PRKCH: variants seen among roughly 807,000 people sequenced by gnomAD.
PRKCH encodes the protein protein kinase C eta type.
A neutral mutation model predicts 82.5 loss-of-function variants in PRKCH; 28 were observed. The ratio of observed to expected loss-of-function variants is 0.34; its 90% confidence interval spans 0.25 to 0.47. The LOEUF (loss-of-function observed/expected upper bound fraction) is 0.47. Among genes scored for constraint, PRKCH ranks in the 20% least tolerant of loss-of-function variants. The pLI is 1.00. For synonymous variants in PRKCH, 322 were observed against 327.4 expected (o/e 0.98, Z 0.18); for missense variants, 705 against 881.8 (o/e 0.80, Z 2.54).
upstream of PRKCH, among the ~76,000 whole-genome samples, chr14:61,318,555 C>G (rs577458933): frequency 3.9e-5 from 6 of 152,154 alleles, no homozygotes; most frequent in African/African-American, 1.4e-4. Flanking sequence ...ACAGTTGGCT[C>G]AAGCCAGATT....
At chr14:61,384,288 C>A (rs2140190163) in intron 1 of PRKCH, among the ~76,000 whole-genome samples, 3 of 152,150 alleles carry the variant, frequency 2.0e-5, no homozygotes, top group Admixed American at 2.0e-4. Flanking sequence ...TGGAATTGGC[C>A]CCTTAGAGAG....
chr14:61,501,916 A>C (rs997702776), intron 10 of PRKCH, among the ~76,000 whole-genome samples: 1 of 152,110 alleles, frequency 6.6e-6, no homozygotes, highest in Non-Finnish European at 1.5e-5. Flanking sequence ...CAAGCTCTGC[A>C]TTTGAATGTC....
chr14:61,266,758 G>A (rs1401062147), intron 1 of PRKCH, among the ~76,000 whole-genome samples: 1 of 152,128 alleles, frequency 6.6e-6, no homozygotes, highest in African/African-American at 2.4e-5. Context: ...ACTTATTTGT[G>A]TATATTTTAT....
intron 9 of PRKCH, among the ~76,000 whole-genome samples, chr14:61,470,422 C>G (rs1308160923): frequency 2.6e-5 from 4 of 152,144 alleles, no homozygotes; most frequent in Admixed American, 1.3e-4. Flanking sequence ...CCTCCCGTCT[C>G]CATCCCTGTA....
At chr14:61,236,535 C>G (rs7154880) in intron 1 of PRKCH, among the ~76,000 whole-genome samples, 25,108 of 151,832 alleles carry the variant, frequency 0.17, 2,121 homozygotes, top group East Asian at 0.24. Flanking sequence ...TGGTGAAACC[C>G]TGTCTCTACT....
chr14:61,350,241 T>G (rs2046053484), intron 1 of PRKCH, among the ~76,000 whole-genome samples: 1 of 152,218 alleles, frequency 6.6e-6, no homozygotes, highest in African/African-American at 2.4e-5. Flanking sequence ...ATGTGTACAT[T>G]TAAGATTTGT....
intron 2 of PRKCH, among the ~76,000 whole-genome samples, chr14:61,405,463 C>T (rs1405284893): frequency 1.3e-5 from 2 of 152,012 alleles, no homozygotes; most frequent in East Asian, 3.9e-4. Flanking sequence ...CTGCAACCTC[C>T]ACCTCCCGGG....
intron 1 of PRKCH, among the ~76,000 whole-genome samples, chr14:61,253,847 G>A (rs2044970393): frequency 6.6e-6 from 1 of 152,110 alleles, no homozygotes; most frequent in East Asian, 1.9e-4. Context: ...ATAATATATG[G>A]TCAGTGCTTA....
chr14:61,335,753 C>T (rs985831824), intron 1 of PRKCH, among the ~76,000 whole-genome samples: 3 of 152,254 alleles, frequency 2.0e-5, no homozygotes, highest in Admixed American at 2.0e-4. Flanking sequence ...CTGACCATCC[C>T]TTCAACATTT....
At chr14:61,262,546 G>T (rs1037440635) in intron 1 of PRKCH, among the ~76,000 whole-genome samples, 4 of 152,140 alleles carry the variant, frequency 2.6e-5, no homozygotes, top group African/African-American at 4.8e-5. Flanking sequence ...AGGGATAATT[G>T]AGTGGGAAGG....
Position 61,485,627 on chromosome 14 carries a change from G to A in PRKCH, c.1404G>A (p.Met468Ile), listed in dbSNP as rs769749007. The A allele has an allele frequency of 6.2e-6, 10 of 1,614,000 alleles. No individual in the cohort carries two copies. In the South Asian group the frequency reaches 9.9e-5, roughly 16 times the overall value. ...FYAAEIISAL[M>I]FLHDKGIIYR... ...CTGCAGAAATCATTTCGGCTCTCAT[G>A]TTCCTCCATGATAAAGGAATCATCT... Residue 468 changes from methionine to isoleucine, a missense_variant, in exon 10 of 14, where the codon ATG becomes ATA. Physicochemically the swap from Met to Ile is conservative, Grantham distance 10. This residue lies in a region of PRKCH where 238 missense variants were observed against 258.1 expected (regional missense o/e 0.92). Transcript: ENST00000332981.
intron 1 of PRKCH, among the ~76,000 whole-genome samples, chr14:61,234,092 T>C (rs908452302): frequency 2.0e-5 from 3 of 152,252 alleles, no homozygotes; most frequent in African/African-American, 7.2e-5. Context: ...GGTAATATTA[T>C]GCAGGTGCAG....
In PRKCH at chr14:61,258,403, A is replaced by G. The variant is rs79646578; in HGVS notation, c.-19+70735A>G. 6.9e-3 allele frequency among the ~76,000 whole-genome samples: 1,056 copies of G among 152,282 alleles called. 38 individuals carry two copies. The East Asian group carries it at 0.095, about 14-fold the overall frequency. On this transcript the variant is annotated intron_variant, in intron 1 of 3. Coordinates refer to the PRKCH transcript ENST00000555185. ...ACCTTAAAAATCACAAGATTAAGAC[A>G]TTTTCATTATACAAAGTTGCCTGGT...
At chr14:61,450,129 T>TACCTAGAGGA (rs1290381594) in intron 5 of PRKCH, among the ~76,000 whole-genome samples, 1 of 152,198 alleles carries the variant, frequency 6.6e-6, no homozygotes, top group Admixed American at 6.5e-5. Context: ...CCTAGAGGTA[T>TACCTAGAGGA]AAACCACAGC....
chr14:61,190,725 C>G (rs1043564143), intron 1 of PRKCH, among the ~76,000 whole-genome samples: 4 of 152,138 alleles, frequency 2.6e-5, no homozygotes, highest in Non-Finnish European at 5.9e-5. Flanking sequence ...AGGACGCTCC[C>G]CGCTCTGAGG....
chr14:61,391,389 G>A, intron 2 of PRKCH, 101 bp downstream of exon 2: 1 of 1,038,166 alleles, frequency 9.6e-7, no homozygotes, highest in Non-Finnish European at 1.4e-6. Context: ...CATGTTGTAA[G>A]AGATGCTTAA....
intron 2 of PRKCH, among the ~76,000 whole-genome samples, chr14:61,433,584 TAC>T (rs1883525680): frequency 6.6e-6 from 1 of 152,042 alleles, no homozygotes; most frequent in Non-Finnish European, 1.5e-5. Context: ...ATGAGAAAAA[TAC>T]ACAGATTTTA....
chr14:61,436,453 G>GT (rs72533350), intron 2 of PRKCH, among the ~76,000 whole-genome samples: 146,751 of 152,264 alleles, frequency 0.96, 70,944 homozygotes, highest in East Asian at 1. Flanking sequence ...ATAACTATGA[G>GT]TACATAGTTA....
At chr14:61,493,540 C>T (rs544112730) in intron 10 of PRKCH, among the ~76,000 whole-genome samples, 1 of 152,254 alleles carries the variant, frequency 6.6e-6, no homozygotes, top group African/African-American at 2.4e-5. Context: ...GGCCATGTTC[C>T]AGCTAAAAAT....
Sources: allele counts gnomAD v4.1 joint callset (sites outside exome capture counted in the v4.1 genomes callset), GRCh38; gene constraint gnomAD v4.1.1; regional missense constraint gnomAD v4.1.1; transcripts MANE v1.5; gene names NCBI Gene and HGNC (gene_info 2026-07-23, HGNC 2026-07-21).